The following VEPH1 variants were observed in gnomAD, a reference collection of about 807,000 sequenced individuals.
VEPH1 encodes ventricular zone-expressed PH domain-containing protein homolog 1.
VEPH1 carries 80 observed loss-of-function variants against 85.2 expected under a neutral mutation model. That is an observed-to-expected ratio of 0.94 (90% confidence interval 0.78 to 1.13). The LOEUF is 1.13. VEPH1 is among the 50% of genes most tolerant of loss of function. The pLI, the probability that VEPH1 is intolerant of heterozygous loss-of-function variation, is 0.00. For missense variants in VEPH1, 955 were observed against 980.5 expected, an observed-to-expected ratio of 0.97 and a Z score of 0.35; for synonymous variants, 297 against 348.0, an observed-to-expected ratio of 0.85 and a Z score of 1.63.
intron 9 of VEPH1, among the ~76,000 whole-genome samples, chr3:157,329,228 T>C (rs1030262821): frequency 1.3e-5 from 2 of 152,232 alleles, no homozygotes; most frequent in African/African-American, 2.4e-5. Context: ...GAATGAGTTA[T>C]GTGGCACATT....
intron 7 of VEPH1, among the ~76,000 whole-genome samples, chr3:157,379,389 T>G (rs1467626355): frequency 2.6e-5 from 4 of 152,182 alleles, no homozygotes; most frequent in African/African-American, 9.7e-5. Flanking sequence ...TCTAGAGAAA[T>G]GCTTGGCACA....
chr3:157,300,060 A>C (rs1196599432), intron 11 of VEPH1, among the ~76,000 whole-genome samples: 1 of 152,232 alleles, frequency 6.6e-6, no homozygotes, highest in East Asian at 1.9e-4. Flanking sequence ...TAGAGGCAGG[A>C]TTCAAACCCA....
At chr3:157,312,302 A>G (rs1283798167) in intron 11 of VEPH1, among the ~76,000 whole-genome samples, 1 of 152,210 alleles carries the variant, frequency 6.6e-6, no homozygotes, top group East Asian at 1.9e-4. Context: ...GGAAGGGCTA[A>G]AAGAGAGAAG....
chr3:157,375,952 C>A (rs935231406), intron 7 of VEPH1, among the ~76,000 whole-genome samples: 1 of 152,190 alleles, frequency 6.6e-6, no homozygotes, highest in Admixed American at 6.5e-5. Context: ...TTTTCTTACA[C>A]AAACAACTTC....
intron 9 of VEPH1, among the ~76,000 whole-genome samples, chr3:157,342,121 C>T (rs1196629070): frequency 1.3e-5 from 2 of 152,116 alleles, no homozygotes; most frequent in African/African-American, 4.8e-5. Context: ...CATCAACTAA[C>T]GAGCAAAATA....
chr3:157,482,517 C>A (rs927963176), intron 2 of VEPH1, among the ~76,000 whole-genome samples: 22 of 152,268 alleles, frequency 1.4e-4, no homozygotes, highest in African/African-American at 2.9e-4. Context: ...GCCACCCACG[C>A]CCAGCTGATG....
chr3:157,329,220 A>G (rs1455350314), intron 9 of VEPH1, among the ~76,000 whole-genome samples: 2 of 152,166 alleles, frequency 1.3e-5, no homozygotes, highest in African/African-American at 2.4e-5. Context: ...GTATAACTGA[A>G]TGAGTTATGT....
intron 9 of VEPH1, among the ~76,000 whole-genome samples, chr3:157,359,161 T>C (rs1448563941): frequency 6.6e-6 from 1 of 152,228 alleles, no homozygotes; most frequent in Non-Finnish European, 1.5e-5. Context: ...AAAGTAACAT[T>C]GATAGGTTCT....
chr3:157,467,884 T>C (rs1275051713), intron 3 of VEPH1, among the ~76,000 whole-genome samples: 1 of 152,262 alleles, frequency 6.6e-6, no homozygotes, highest in East Asian at 1.9e-4. Flanking sequence ...CAAACTCATT[T>C]ACACTGTCTT....
rs1406534085 is a variant in VEPH1, at chr3:157,495,685, G to T, written c.-157-179C>A. On this transcript the variant is annotated intron_variant, in intron 1 of 13. Transcript: ENST00000362010. ...TCTTTCCTTGTTTTTGTCTCAAAAA[G>T]TCTTGTCAAAAATTACTAGGTTTCT... 2.6e-5 allele frequency among the ~76,000 whole-genome samples: 4 copies of T among 152,240 alleles called. No homozygotes were observed. In the East Asian group the frequency reaches 5.8e-4, roughly 22 times the overall value.
At chr3:157,392,997 G>A (rs1474111766) in intron 6 of VEPH1, among the ~76,000 whole-genome samples, 1 of 152,220 alleles carries the variant, frequency 6.6e-6, no homozygotes, top group African/African-American at 2.4e-5. Context: ...TGGACCTGAT[G>A]TGAAGTTTTC....
At chr3:157,476,764 C>T (rs149152340) in intron 2 of VEPH1, among the ~76,000 whole-genome samples, 3 of 152,192 alleles carry the variant, frequency 2.0e-5, no homozygotes, top group African/African-American at 7.2e-5. Context: ...GAGTTGCCAA[C>T]CTGGCAGGAG....
chr3:157,492,488 G>C (rs563586434), intron 2 of VEPH1, among the ~76,000 whole-genome samples: 4 of 152,118 alleles, frequency 2.6e-5, no homozygotes, highest in Non-Finnish European at 5.9e-5. Context: ...CCAGACACAG[G>C]CTCCTTCTTT....
At chr3:157,396,708 T>A (rs1730411555) in intron 6 of VEPH1, among the ~76,000 whole-genome samples, 1 of 152,258 alleles carries the variant, frequency 6.6e-6, no homozygotes, top group Non-Finnish European at 1.5e-5. Flanking sequence ...TTGAGCTTTT[T>A]TTCGTATGTT....
chr3:157,396,934 T>A (rs1361991983), intron 6 of VEPH1, among the ~76,000 whole-genome samples: 1 of 152,188 alleles, frequency 6.6e-6, no homozygotes, highest in Non-Finnish European at 1.5e-5. Context: ...GTGCAGAAGC[T>A]CTTTAATTAG....
chr3:157,287,723 C>A (rs897704785), intron 11 of VEPH1, among the ~76,000 whole-genome samples: 6 of 151,836 alleles, frequency 4.0e-5, no homozygotes, highest in African/African-American at 1.2e-4. Flanking sequence ...TGCCACCACA[C>A]CTGGCTAATT....
intron 9 of VEPH1, among the ~76,000 whole-genome samples, chr3:157,342,552 A>T (rs958401999): frequency 2.0e-5 from 3 of 152,208 alleles, no homozygotes; most frequent in Non-Finnish European, 1.5e-5. Context: ...CTACAAATAG[A>T]CTTAGACTCC....
At position 157,437,796 on chromosome 3, in the gene VEPH1, G is replaced by T. The variant is rs1349378403; in HGVS notation, c.530-9308C>A. 2.7e-6 allele frequency: 4 copies of T among 1,462,866 alleles called. No individual in the cohort carries two copies. The highest frequency in any genetic ancestry group is 5.5e-5 in the Admixed American group (2 of 36,352). The allele number at this position is 1,462,866 out of a possible 1,614,324, so 90.6% of individuals were successfully genotyped here. A position where few individuals can be genotyped will look rare whatever the true frequency, so the allele number is the denominator to read the frequency against. Reference sequence around the variant, plus strand: ...GGCTGGCGCGTATGGAGGGCGCGGAGGCGCAGCGCCCAGAGGAGGCGGGGC... The same window carrying T: ...GGCTGGCGCGTATGGAGGGCGCGGATGCGCAGCGCCCAGAGGAGGCGGGGC... On this transcript the variant is annotated intron_variant, in intron 4 of 13. Transcript: ENST00000362010.
chr3:157,406,993 C>CAAAAAAA (rs111501334), intron 6 of VEPH1, among the ~76,000 whole-genome samples: 1 of 120,670 alleles, frequency 8.3e-6, no homozygotes. Context: ...GTTGGCCTCC[C>CAAAAAAA]AAAAAAAAAA....
Sources: gnomAD v4.1 joint callset for allele counts (sites outside exome capture counted in the v4.1 genomes callset) on GRCh38, gnomAD v4.1.1 for gene constraint, MANE v1.5 for transcripts, NCBI Gene and HGNC (gene_info 2026-07-23, HGNC 2026-07-21) for gene names.